VPS37A: variants seen among roughly 807,000 people sequenced by gnomAD.
VPS37A encodes the protein vacuolar protein sorting-associated protein 37A.
Under a neutral mutation model 49.8 loss-of-function variants are expected in VPS37A, and 30 were observed. That is an observed-to-expected ratio of 0.60 (90% CI 0.45 to 0.82). The LOEUF is 0.82. Ranked by LOEUF, VPS37A falls within the 40% of genes least tolerant of loss-of-function variation. VPS37A has a pLI of 0.00. For synonymous variants in VPS37A, 195 were observed against 160.6 expected (o/e 1.21, Z -1.62); for missense variants, 593 against 464.4 (o/e 1.28, Z -2.55).
intron 1 of VPS37A, among the ~76,000 whole-genome samples, chr8:17,253,952 T>C (rs940156974): frequency 2.0e-5 from 3 of 152,238 alleles, no homozygotes; most frequent in African/African-American, 7.2e-5. Context: ...TTCCAGTTTC[T>C]TGCTTTTTCA....
intron 9 of VPS37A, among the ~76,000 whole-genome samples, chr8:17,282,512 C>G (rs968903589): frequency 3.3e-5 from 5 of 151,774 alleles, no homozygotes; most frequent in Admixed American, 6.6e-5. Context: ...ATTGAAAACT[C>G]AGATATATTA....
chr8:17,328,789 G>T, the VPS37A span, among the ~76,000 whole-genome samples: 2 of 152,138 alleles, frequency 1.3e-5, no homozygotes, highest in African/African-American at 4.8e-5. Flanking sequence ...ATTATCAAAA[G>T]GGAAACTATC....
At position 17,247,349 on chromosome 8, in the gene VPS37A, C is replaced by G. The variant is rs1216172543; in HGVS notation, c.105C>G (p.Ser35=). Residue 35 remains serine (S), a synonymous_variant, in exon 1 of 12, where the codon TCC becomes TCG. Coordinates refer to ENST00000324849, the MANE Select transcript of VPS37A (RefSeq NM_152415.3). ...AGCAGAAGCAGCGCCTGATCGAGTC[C>G]CTCCGGAACTCACACTCCAGGTGAC... is the stretch of plus-strand genomic sequence containing the variant. ...LQQQKQRLIE[S]LRNSHSSIAE... The G allele has an allele frequency of 6.4e-7, 1 of 1,553,546 alleles. No individual in the cohort carries two copies. The highest frequency in any genetic ancestry group is 2.4e-5 in the East Asian group (1 of 41,256).
chr8:17,271,581 G>C (rs1310331868), intron 4 of VPS37A, among the ~76,000 whole-genome samples: 1 of 152,084 alleles, frequency 6.6e-6, no homozygotes, highest in East Asian at 1.9e-4. Flanking sequence ...ATTCCAGCCT[G>C]GGTGACAGAG....
At position 17,268,973 on chromosome 8, in the gene VPS37A, T is replaced by C. The variant is rs375167006; in HGVS notation, c.416+17T>C. ...ATTTCCTTAGTAAGTATATTTCTAG[T>C]AAATAAAAAAGTCTGCCTGTATTTT... On this transcript the variant is annotated intron_variant, in intron 4 of 11. Coordinates refer to ENST00000324849, the MANE Select transcript of VPS37A (RefSeq NM_152415.3). 1.8e-4 allele frequency: 273 copies of C among 1,530,524 alleles called. No individual in the cohort carries two copies. The highest frequency in any genetic ancestry group is 3.4e-4 in the Middle Eastern group (2 of 5,838). 94.8% of individuals were successfully genotyped at this position (1,530,524 alleles called of 1,614,324 possible).
At chr8:17,302,212 A>G, downstream of VPS37A, 1 of 1,614,042 alleles carries the variant, frequency 6.2e-7, no homozygotes, top group Non-Finnish European at 8.5e-7. Context: ...CACTGCCATT[A>G]GGTAATCTGT....
At chr8:17,294,767 C>G (rs780896708) in intron 11 of VPS37A, among the ~76,000 whole-genome samples, 8 of 152,156 alleles carry the variant, frequency 5.3e-5, no homozygotes, top group Non-Finnish European at 8.8e-5. Context: ...CACCCACTGT[C>G]TAACCAGTCC....
the VPS37A span, among the ~76,000 whole-genome samples, chr8:17,309,055 C>G: frequency 7.7e-4 from 117 of 152,322 alleles, 2 homozygotes; most frequent in African/African-American, 2.8e-3. Flanking sequence ...TCTGTCTCTT[C>G]TAGAACAAGT....
At chr8:17,322,950 C>CTTTTTTTTT in the VPS37A span, among the ~76,000 whole-genome samples, 894 of 125,660 alleles carry the variant, frequency 7.1e-3, 38 homozygotes, top group African/African-American at 0.019. Context: ...ATTGAATTAT[C>CTTTTTTTTT]TTTTTTTTTT....
downstream of VPS37A, chr8:17,298,590 TAAATTA>T (rs1452063751): frequency 6.6e-6 from 1 of 152,604 alleles, no homozygotes; most frequent in African/African-American, 2.4e-5. Flanking sequence ...TTGTAAAGTT[TAAATTA>T]ATCCTTTCAC....
At chr8:17,317,708 C>G in the VPS37A span, among the ~76,000 whole-genome samples, 1 of 152,190 alleles carries the variant, frequency 6.6e-6, no homozygotes, top group African/African-American at 2.4e-5. Context: ...TTCAGAGATA[C>G]CTGATGGCTC....
At chr8:17,316,240 T>G in the VPS37A span, among the ~76,000 whole-genome samples, 25 of 152,156 alleles carry the variant, frequency 1.6e-4, no homozygotes, top group East Asian at 4.8e-3. Flanking sequence ...TAGCCCTTAT[T>G]ACTATTATTC....
At chr8:17,331,042 A>C in the VPS37A span, 10 of 1,331,162 alleles carry the variant, frequency 7.5e-6, no homozygotes, top group African/African-American at 1.3e-4. Context: ...ATTCTTCCCA[A>C]ATTATCACAC....
the VPS37A span, chr8:17,311,785 T>A: frequency 3.2e-6 from 4 of 1,261,204 alleles, no homozygotes; most frequent in Non-Finnish European, 4.4e-6. Flanking sequence ...CCCCCCCTAA[T>A]TAGGGCAGAG....
rs1374683107 is a variant in VPS37A, at chr8:17,296,272, G to A, written c.*1286G>A. 6.6e-6 allele frequency: 1 copy of A among 152,086 alleles called. No individual in the cohort carries two copies. The highest frequency in any genetic ancestry group is 1.5e-5 in the Non-Finnish European group (1 of 68,012). The allele number at this position is 152,086 out of a possible 1,614,324, so 9.4% of individuals were successfully genotyped here. A position where few individuals can be genotyped will look rare whatever the true frequency, so the allele number is the denominator to read the frequency against. On this transcript the variant is annotated 3_prime_UTR_variant, in exon 12 of 12. Transcript: ENST00000324849. ...GTTTGTGGAGGGCAGGTATTCACGT[G>A]GACTGAGATACAATGTTGGATACAG...
chr8:17,332,972 T>C, the VPS37A span, among the ~76,000 whole-genome samples: 6 of 152,166 alleles, frequency 3.9e-5, no homozygotes, highest in African/African-American at 7.2e-5. Context: ...TAATCTTTCA[T>C]TGATACCGAG....
At chr8:17,265,572 T>C (rs886835087) in intron 1 of VPS37A, among the ~76,000 whole-genome samples, 8 of 152,228 alleles carry the variant, frequency 5.3e-5, no homozygotes, top group Non-Finnish European at 8.8e-5. Context: ...GGATTGCTCA[T>C]CTGTATTAAC....
chr8:17,309,290 T>A, the VPS37A span: 1 of 1,553,008 alleles, frequency 6.4e-7, no homozygotes, highest in Non-Finnish European at 8.9e-7. Flanking sequence ...TGATTAAACT[T>A]ATGACCAAAG....
intron 11 of VPS37A, among the ~76,000 whole-genome samples, chr8:17,287,796 G>A (rs1387784674): frequency 6.6e-6 from 1 of 152,158 alleles, no homozygotes; most frequent in African/African-American, 2.4e-5. Flanking sequence ...AACATTCCCT[G>A]GAAGAGTAAC....
Sources: allele counts gnomAD v4.1 joint callset (sites outside exome capture counted in the v4.1 genomes callset), GRCh38; gene constraint gnomAD v4.1.1; transcripts MANE v1.5; gene names NCBI Gene and HGNC (gene_info 2026-07-23, HGNC 2026-07-21).